CYTH1: variants seen among roughly 807,000 people sequenced by gnomAD.
The protein encoded by CYTH1 is cytohesin-1.
CYTH1 carries 18 observed loss-of-function variants against 61.8 expected under a neutral mutation model. That is an observed-to-expected ratio of 0.29 (90% CI 0.20 to 0.43). The LOEUF (loss-of-function observed/expected upper bound fraction) is 0.43. CYTH1 is among the 20% of genes least tolerant of loss of function. The pLI is 1.00. For synonymous variants in CYTH1, 174 were observed against 184.3 expected (o/e 0.94, Z 0.45); for missense variants, 336 against 510.5 (o/e 0.66, Z 3.29).
chr17:78,769,354 G>A (rs529262961), intron 1 of CYTH1, among the ~76,000 whole-genome samples: 1 of 151,912 alleles, frequency 6.6e-6, no homozygotes, highest in Non-Finnish European at 1.5e-5. Flanking sequence ...CTCCCCAAGT[G>A]GCGAAACTGC....
intron 3 of CYTH1, among the ~76,000 whole-genome samples, chr17:78,706,356 G>A (rs2093066384): frequency 7.6e-6 from 1 of 131,138 alleles, no homozygotes; most frequent in Admixed American, 8.5e-5. Context: ...TAGCACACTA[G>A]CACAGCTTAG....
intron 1 of CYTH1, among the ~76,000 whole-genome samples, chr17:78,740,553 C>T (rs1157379510): frequency 6.6e-6 from 1 of 151,948 alleles, no homozygotes; most frequent in Non-Finnish European, 1.5e-5. Flanking sequence ...CAAGGCATAC[C>T]TGGCTCAACA....
intron 13 of CYTH1, 148 bp from the exon 14 acceptor site, chr17:78,676,317 C>A: frequency 1.5e-6 from 1 of 685,660 alleles, no homozygotes; most frequent in South Asian, 1.9e-5. Flanking sequence ...GCGTCCTCCA[C>A]CCTTGCTGTG....
intron 4 of CYTH1, 103 bp downstream of exon 4, chr17:78,702,435 A>G (rs982736331): frequency 7.7e-7 from 1 of 1,297,518 alleles, no homozygotes; most frequent in Non-Finnish European, 1.1e-6. Context: ...CAAAACGGCA[A>G]CATGAACTGT....
intron 3 of CYTH1, among the ~76,000 whole-genome samples, chr17:78,702,893 C>T (rs1436443360): frequency 6.6e-6 from 1 of 152,030 alleles, no homozygotes; most frequent in East Asian, 1.9e-4. Context: ...GCTATCTCGG[C>T]TCATTGCAAC....
At chr17:78,771,265 A>C (rs571078333) in intron 1 of CYTH1, among the ~76,000 whole-genome samples, 1 of 152,030 alleles carries the variant, frequency 6.6e-6, no homozygotes, top group African/African-American at 2.4e-5. Flanking sequence ...CTGTCTGAAA[A>C]ATAAAATAAA....
intron 1 of CYTH1, among the ~76,000 whole-genome samples, chr17:78,758,676 C>G (rs1263057137): frequency 6.6e-6 from 1 of 151,986 alleles, no homozygotes; most frequent in Non-Finnish European, 1.5e-5. Context: ...CATTGTATTC[C>G]AGCCTGGGCA....
At position 78,680,228 on chromosome 17, in the gene CYTH1, C is replaced by A. The variant is rs200419184; in HGVS notation, c.1080G>T (p.Pro360=). 5 of 1,614,192 alleles carry A rather than the reference C, an allele frequency of 3.1e-6. No homozygotes were observed. The highest frequency in any genetic ancestry group is 4.2e-6 in the Non-Finnish European group (5 of 1,180,028). ...GNHTVYRISA[P]TPEEKEEWIK... is the part of the protein sequence containing the mutation. ...TCCACTCCTCCTTCTCCTCGGGCGT[C>A]GGAGCTGAGATCCGGTAAACAGTGT... The change falls in exon 13 of 14, where the codon CCG becomes CCT. Residue 360 remains proline, a synonymous_variant. Transcript: ENST00000446868.
intron 1 of CYTH1, chr17:78,727,576 A>G (rs2093273181): frequency 7.3e-6 from 3 of 410,472 alleles, no homozygotes; most frequent in Non-Finnish European, 1.6e-5. Context: ...AGTTTGGGAG[A>G]GGTGTAAGAA....
intron 1 of CYTH1, among the ~76,000 whole-genome samples, chr17:78,763,091 C>T (rs972654741): frequency 6.6e-6 from 1 of 152,072 alleles, no homozygotes; most frequent in Non-Finnish European, 1.5e-5. Context: ...CGCCTGTAAT[C>T]CCAGCACTTT....
chr17:78,741,390 A>G lies in CYTH1; in HGVS notation c.23-31658T>C, dbSNP rs61550440. Reference sequence around the variant, plus strand: ...TTTCTACAAAAAAATTAAATAAATGACAGTAGAAAAAAAAACGTGAATATT... The same window carrying G: ...TTTCTACAAAAAAATTAAATAAATGGCAGTAGAAAAAAAAACGTGAATATT... On this transcript the variant is annotated intron_variant, in intron 1 of 13. Coordinates refer to ENST00000446868, the MANE Select transcript of CYTH1 (RefSeq NM_004762.6). Among the ~76,000 whole-genome samples the G allele has an allele frequency of 5.9e-3, 896 of 152,158 alleles. 39 individuals are homozygous for G. In the East Asian group the frequency reaches 0.11, roughly 19 times the overall value.
chr17:78,760,585 G>GTATA lies in CYTH1; in HGVS notation c.22+21613_22+21616dup, dbSNP rs59089202. Among the ~76,000 whole-genome samples the GTATA allele has an allele frequency of 2.1e-4, 10 of 47,328 alleles. 2 individuals carry two copies. The highest frequency in any genetic ancestry group is 6.4e-4 in the Admixed American group (3 of 4,706). 31.0% of individuals were successfully genotyped at this position (47,328 alleles called of 152,430 possible). ...TATATATATACACATACATATATAT[G>GTATA]TATATATATGTATATATATAGTTTA... On this transcript the variant is annotated intron_variant, in intron 1 of 13. Transcript: ENST00000446868.
chr17:78,757,868 C>T (rs1397662092), intron 1 of CYTH1, among the ~76,000 whole-genome samples: 1 of 151,214 alleles, frequency 6.6e-6, no homozygotes, highest in Non-Finnish European at 1.5e-5. Context: ...GCCAAGATCG[C>T]ACCACTGCAC....
chr17:78,680,159 C>T (rs559421292), intron 13 of CYTH1, 31 bp downstream of exon 13: 37 of 1,612,270 alleles, frequency 2.3e-5, no homozygotes, highest in Middle Eastern at 3.3e-4. Context: ...CTGCACCAGG[C>T]GCGCACTGCC....
chr17:78,773,699 A>G (rs1054931936), intron 1 of CYTH1, among the ~76,000 whole-genome samples: 4 of 152,136 alleles, frequency 2.6e-5, no homozygotes, highest in African/African-American at 9.7e-5. Flanking sequence ...TCTTCTCGTA[A>G]GGAAACATTT....
intron 1 of CYTH1, among the ~76,000 whole-genome samples, chr17:78,714,571 G>A (rs146161589): frequency 5.9e-5 from 9 of 152,208 alleles, no homozygotes; most frequent in Middle Eastern, 3.4e-3. Flanking sequence ...ACACATGAAC[G>A]AAGCCAACTT....
chr17:78,686,972 G>T (rs974344518), intron 11 of CYTH1, among the ~76,000 whole-genome samples: 1 of 151,768 alleles, frequency 6.6e-6, no homozygotes, highest in South Asian at 2.1e-4. Context: ...GTAGAGACGG[G>T]GTTTCTCCAT....
At chr17:78,713,757 G>C (rs913860184) in intron 1 of CYTH1, among the ~76,000 whole-genome samples, 1 of 148,530 alleles carries the variant, frequency 6.7e-6, no homozygotes, top group Non-Finnish European at 1.5e-5. Flanking sequence ...GAAAAACAGA[G>C]CAATCGTATA....
intron 11 of CYTH1, 160 bp from the exon 12 acceptor site, chr17:78,681,202 C>T (rs969497697): frequency 1.1e-4 from 72 of 666,886 alleles, no homozygotes; most frequent in Non-Finnish European, 1.8e-4. Flanking sequence ...ACAAGAATAA[C>T]ACCAAAAATG....
Sources: allele counts gnomAD v4.1 joint callset (sites outside exome capture counted in the v4.1 genomes callset), GRCh38; gene constraint gnomAD v4.1.1; transcripts MANE v1.5; gene names NCBI Gene and HGNC (gene_info 2026-07-23, HGNC 2026-07-21).